Variants in ACCSL observed in about 807,000 individuals in gnomAD.
ACCSL encodes probable inactive 1-aminocyclopropane-1-carboxylate synthase-like protein 2.
In ACCSL, 55 loss-of-function variants were observed where a neutral mutation model predicts 61.7. The ratio of observed to expected loss-of-function variants is 0.89; its 90% CI spans 0.72 to 1.12. The LOEUF (loss-of-function observed/expected upper bound fraction) is 1.12, where lower values mean the gene tolerates loss of function less well. Ranked by LOEUF, ACCSL falls within the 50% of genes most tolerant of loss-of-function variation. The pLI is 0.00. For missense variants in ACCSL, 632 were observed against 698.0 expected (o/e 0.91, Z 1.07); for synonymous variants, 258 against 264.3 (o/e 0.98, Z 0.23).
chr11:43,961,357 C>T, the ACCSL span, among the ~76,000 whole-genome samples: 33 of 152,170 alleles, frequency 2.2e-4, no homozygotes, highest in Non-Finnish European at 7.3e-5. Context: ...ACTGCAATCT[C>T]TTCTCCTATT....
chr11:44,028,918 G>A, the ACCSL span, among the ~76,000 whole-genome samples: 5 of 152,236 alleles, frequency 3.3e-5, no homozygotes, highest in Non-Finnish European at 5.9e-5. Context: ...TGGAATGGAT[G>A]TGTCCTTTAG....
the ACCSL span, among the ~76,000 whole-genome samples, chr11:44,014,812 G>A: frequency 6.6e-6 from 1 of 152,196 alleles, no homozygotes; most frequent in African/African-American, 2.4e-5. Context: ...CAGAGGCACC[G>A]TGGAGAGACA....
chr11:43,994,259 C>T, the ACCSL span, among the ~76,000 whole-genome samples: 1 of 152,158 alleles, frequency 6.6e-6, no homozygotes, highest in Non-Finnish European at 1.5e-5. Context: ...AGGAGTTGTT[C>T]ACCATCTCAG....
chr11:43,976,024 T>C, the ACCSL span, among the ~76,000 whole-genome samples: 1 of 152,218 alleles, frequency 6.6e-6, no homozygotes, highest in African/African-American at 2.4e-5. Flanking sequence ...TGTCCCATCA[T>C]TGAATATAGT....
chr11:44,023,041 C>CTTTTTTTTTTTTTTTTTTTTTTTTTTTT, the ACCSL span, among the ~76,000 whole-genome samples: 2 of 86,452 alleles, frequency 2.3e-5, no homozygotes, highest in African/African-American at 4.7e-5. Flanking sequence ...TCTTCTTCTT[C>CTTTTTTTTTTTTTTTTTTTTTTTTTTTT]TTTTTTTTTT....
the ACCSL span, among the ~76,000 whole-genome samples, chr11:44,007,861 G>T: frequency 1.3e-5 from 2 of 152,276 alleles, no homozygotes; most frequent in Admixed American, 6.5e-5. Flanking sequence ...TATCCCTTTG[G>T]TTATAAGACA....
the ACCSL span, among the ~76,000 whole-genome samples, chr11:43,967,167 C>CTTTTTTTTT: frequency 5.8e-3 from 364 of 62,706 alleles, 67 homozygotes; most frequent in African/African-American, 6.9e-3. Flanking sequence ...TCTTCTTCTT[C>CTTTTTTTTT]TTTTTTTTTT....
the ACCSL span, among the ~76,000 whole-genome samples, chr11:44,015,009 C>T: frequency 6.6e-6 from 1 of 152,206 alleles, no homozygotes; most frequent in Non-Finnish European, 1.5e-5. Context: ...GCAGGGGCAC[C>T]CAGGAGCCAA....
the ACCSL span, among the ~76,000 whole-genome samples, chr11:44,030,990 C>G: frequency 6.6e-6 from 1 of 152,138 alleles, no homozygotes; most frequent in Non-Finnish European, 1.5e-5. Context: ...CAGGAACACA[C>G]AAAAGGCAGG....
the ACCSL span, among the ~76,000 whole-genome samples, chr11:44,013,349 G>A: frequency 0.069 from 10,485 of 152,138 alleles, 385 homozygotes; most frequent in Non-Finnish European, 0.092. Flanking sequence ...GCGCAATCTC[G>A]GCTCGCTGCA....
the ACCSL span, among the ~76,000 whole-genome samples, chr11:43,924,268 GAC>G: frequency 3.9e-5 from 6 of 152,266 alleles, no homozygotes; most frequent in Non-Finnish European, 5.9e-5. Context: ...GTCTGGGAGA[GAC>G]AGCCCTGGAG....
chr11:44,053,916 G>A (rs1952655305), intron 8 of ACCSL, among the ~76,000 whole-genome samples: 1 of 152,180 alleles, frequency 6.6e-6, no homozygotes, highest in African/African-American at 2.4e-5. Context: ...GCAGAGTTAT[G>A]TAAAACTAAC....
the ACCSL span, chr11:43,926,534 G>T: frequency 2.2e-6 from 1 of 455,614 alleles, no homozygotes; most frequent in South Asian, 1.6e-5. Context: ...TCCAGAGATT[G>T]TGGGTCAGAT....
chr11:44,039,835 C>A, the ACCSL span, among the ~76,000 whole-genome samples: 1 of 152,164 alleles, frequency 6.6e-6, no homozygotes, highest in Non-Finnish European at 1.5e-5. Flanking sequence ...TGTGTAGACC[C>A]CTAGAGAAAG....
In ACCSL at chr11:44,056,251, G is replaced by T; in HGVS notation, c.1252G>T (p.Val418Leu). The T allele has an allele frequency of 6.2e-7, 1 of 1,614,228 alleles. No homozygotes were observed. Among genetic ancestry groups the T allele is most frequent in the Middle Eastern group, 1.7e-4 (1 of 6,060 alleles). The change falls in exon 11 of 14, where the codon GTG becomes TTG. Residue 418 changes from valine to leucine, a missense_variant. Transcript: ENST00000378832. ...YTHNKEVASA[V>L]SAFGYLHSIS... ...CCACAACAAGGAGGTGGCCTCTGCT[G>T]TGAGTGCCTTTGGCTACCTCCACAG...
At chr11:44,050,213 C>T in intron 2 of ACCSL, 92 bp downstream of exon 2, 1 of 1,071,834 alleles carries the variant, frequency 9.3e-7, no homozygotes, top group Non-Finnish European at 1.5e-6. Context: ...AGGGGTGAGA[C>T]ATAGGAGCCT....
chr11:44,035,097 G>T, the ACCSL span, among the ~76,000 whole-genome samples: 1 of 152,066 alleles, frequency 6.6e-6, no homozygotes, highest in Admixed American at 6.6e-5. Flanking sequence ...TTCCTCCTTT[G>T]CTTCCTGTGG....
At chr11:43,953,040 T>C in the ACCSL span, among the ~76,000 whole-genome samples, 3 of 152,306 alleles carry the variant, frequency 2.0e-5, no homozygotes, top group Admixed American at 6.5e-5. Flanking sequence ...GACATTTTTA[T>C]TGTGGTTTTC....
At chr11:43,943,645 G>A in the ACCSL span, 7 of 1,305,400 alleles carry the variant, frequency 5.4e-6, no homozygotes, top group Admixed American at 2.3e-5. This position sits in a 1 kb window ranked among gnomAD's most constrained non-coding sequence, Gnocchi z 4.8. Context: ...CCGCTCCACC[G>A]TGCCCCCCAG....
Sources: gnomAD v4.1 joint callset for allele counts (sites outside exome capture counted in the v4.1 genomes callset) on GRCh38, gnomAD v4.1.1 for gene constraint, Gnocchi (gnomAD v3.1) non-coding constraint, MANE v1.5 for transcripts, NCBI Gene and HGNC (gene_info 2026-07-23, HGNC 2026-07-21) for gene names.